The following MAP2K6 variants were observed in gnomAD, a reference collection of about 807,000 sequenced individuals.
MAP2K6 encodes mitogen-activated protein kinase kinase 6, also known as dual specificity mitogen-activated protein kinase kinase 6.
Under a neutral mutation model 53.7 loss-of-function variants are expected in MAP2K6, and 16 were observed. The observed-to-expected ratio is 0.30, with a 90% CI of 0.20 to 0.45. The LOEUF (loss-of-function observed/expected upper bound fraction) is 0.45, where lower values mean the gene tolerates loss of function less well. Ranked by LOEUF, MAP2K6 falls within the 20% of genes least tolerant of loss-of-function variation. The pLI, the probability that MAP2K6 is intolerant of heterozygous loss-of-function variation, is 1.00. For synonymous variants in MAP2K6, 132 were observed against 143.1 expected (o/e 0.92, Z 0.55); for missense variants, 204 against 411.9 (o/e 0.50, Z 4.37).
intron 1 of MAP2K6, among the ~76,000 whole-genome samples, chr17:69,424,852 A>G (rs1253162126): frequency 1.3e-5 from 2 of 152,190 alleles, no homozygotes; most frequent in Non-Finnish European, 2.9e-5. Context: ...TTGAGTTCCA[A>G]ATAGAAACTG....
intron 10 of MAP2K6, among the ~76,000 whole-genome samples, chr17:69,529,467 T>C (rs1428417880): frequency 2.0e-5 from 3 of 152,078 alleles, no homozygotes; most frequent in Admixed American, 6.6e-5. Flanking sequence ...TTTAGAGATA[T>C]TTTAAAATGA....
intron 1 of MAP2K6, among the ~76,000 whole-genome samples, chr17:69,455,096 T>C (rs1214851164): frequency 6.6e-6 from 1 of 151,834 alleles, no homozygotes; most frequent in Non-Finnish European, 1.5e-5. Context: ...ATTTTCCAGC[T>C]AGGAGCAAAC....
At chr17:69,502,401 C>G in intron 1 of MAP2K6, 2 of 985,440 alleles carry the variant, frequency 2.0e-6, no homozygotes, top group Non-Finnish European at 1.2e-6. Flanking sequence ...CTGTGCTGCT[C>G]TGTCAGAGAT....
rs1041628364 is a variant in MAP2K6, at chr17:69,545,255, A to G, written c.*3502A>G. The G allele has an allele frequency of 6.6e-6, 1 of 152,156 alleles. No homozygotes were observed. The highest frequency in any genetic ancestry group is 2.4e-5 in the African/African-American group (1 of 41,412). The allele number at this position is 152,156 out of a possible 1,614,324, so 9.4% of individuals were successfully genotyped here. On this transcript the variant is annotated 3_prime_UTR_variant, in exon 12 of 12. Coordinates refer to ENST00000590474, the MANE Select transcript of MAP2K6 (RefSeq NM_002758.4). ...CCAAAATGACTACTTTGAAGGAGAT[A>G]GAACCCCCATAAAGGTATATGTTTG...
intron 1 of MAP2K6, among the ~76,000 whole-genome samples, chr17:69,437,462 C>T (rs956778745): frequency 1.3e-5 from 2 of 151,936 alleles, no homozygotes; most frequent in Non-Finnish European, 2.9e-5. Context: ...GAGAGGCAGA[C>T]ACATTTGGTG....
chr17:69,433,796 G>T (rs1218498916), intron 1 of MAP2K6: 1 of 152,218 alleles, frequency 6.6e-6, no homozygotes, highest in Non-Finnish European at 1.5e-5. Context: ...GCTTTGGTCT[G>T]TGGGGCAAGT....
chr17:69,526,475 T>C (rs1910776134), intron 9 of MAP2K6, 95 bp from the exon 10 acceptor site: 5 of 1,368,920 alleles, frequency 3.7e-6, no homozygotes, highest in Non-Finnish European at 1.0e-6. Flanking sequence ...AACTTTGCCT[T>C]GTGTTTCCTG....
chr17:69,510,574 A>C (rs1909759114), intron 2 of MAP2K6, among the ~76,000 whole-genome samples: 1 of 151,898 alleles, frequency 6.6e-6, no homozygotes, highest in South Asian at 2.1e-4. Flanking sequence ...CCAATGAAAG[A>C]AAATGAGCCT....
At position 69,534,340 on chromosome 17, in the gene MAP2K6, G is replaced by T. The variant is rs573455660; in HGVS notation, c.882-1775G>T. Among the ~76,000 whole-genome samples, 16 of 152,118 alleles carry T rather than the reference G, an allele frequency of 1.1e-4. No individual in the cohort carries two copies. In the East Asian group the frequency reaches 2.9e-3, roughly 28 times the overall value. ...GCCTGTTAATTCCTCTTTCTAATGC[G>T]CTCTTATTTTTATCCTCAGTTGAGA... On this transcript the variant is annotated intron_variant, in intron 10 of 11. Coordinates refer to ENST00000590474, the MANE Select transcript of MAP2K6 (RefSeq NM_002758.4).
intron 1 of MAP2K6, among the ~76,000 whole-genome samples, chr17:69,420,146 A>T (rs1398093830): frequency 6.6e-6 from 1 of 152,210 alleles, no homozygotes; most frequent in African/African-American, 2.4e-5. Context: ...CCAGACCTAT[A>T]TGAAAATAAT....
In MAP2K6 at chr17:69,414,870, CA is replaced by C; in HGVS notation, c.-114del. On this transcript the variant is annotated 5_prime_UTR_variant, in exon 1 of 12. Coordinates refer to ENST00000590474, the MANE Select transcript of MAP2K6 (RefSeq NM_002758.4). ...CTGCTGCATCGGTCAAGAGAAACTC[CA>C]CTTGCATGAAGATTGCACGCCTGCA... The C allele has an allele frequency of 1.1e-6, 1 of 901,914 alleles. No individual in the cohort carries two copies. 55.9% of individuals were successfully genotyped at this position (901,914 alleles called of 1,614,324 possible).
In MAP2K6 at chr17:69,465,901, G is replaced by A. The variant is rs946540280; in HGVS notation, c.17-39879G>A. ...CCCAAAGTGCTGGGATTACAGGCAT[G>A]AGCCACTGCACCCAGCCCTGGTGAT... is the stretch of plus-strand genomic sequence containing the variant. On this transcript the variant is annotated intron_variant, in intron 1 of 11. Transcript: ENST00000590474. Among the ~76,000 whole-genome samples the A allele has an allele frequency of 2.6e-5, 4 of 151,240 alleles. No homozygotes were observed. In the South Asian group the frequency reaches 8.4e-4, roughly 32 times the overall value.
At chr17:69,456,694 C>T (rs1907420413) in intron 1 of MAP2K6, among the ~76,000 whole-genome samples, 1 of 152,114 alleles carries the variant, frequency 6.6e-6, no homozygotes, top group Non-Finnish European at 1.5e-5. Context: ...GTTATTTCTA[C>T]CCAGAGATGT....
At chr17:69,518,887 T>A (rs1297250999) in intron 4 of MAP2K6, among the ~76,000 whole-genome samples, 2 of 152,196 alleles carry the variant, frequency 1.3e-5, no homozygotes, top group Non-Finnish European at 2.9e-5. Flanking sequence ...CTGTACCAAT[T>A]CTCTTACAGT....
chr17:69,484,848 T>C (rs1908470244), intron 1 of MAP2K6, among the ~76,000 whole-genome samples: 1 of 152,122 alleles, frequency 6.6e-6, no homozygotes, highest in Admixed American at 6.6e-5. Flanking sequence ...TATAATTTCA[T>C]TATATGAAAT....
chr17:69,458,701 T>C (rs1907510872), intron 1 of MAP2K6, among the ~76,000 whole-genome samples: 1 of 152,230 alleles, frequency 6.6e-6, no homozygotes, highest in Non-Finnish European at 1.5e-5. Flanking sequence ...TCTTACCTTG[T>C]GCAGTGTCTC....
intron 1 of MAP2K6, among the ~76,000 whole-genome samples, chr17:69,450,752 T>C (rs1907194194): frequency 6.6e-6 from 1 of 152,102 alleles, no homozygotes; most frequent in African/African-American, 2.4e-5. Context: ...GAGTATACTT[T>C]TTGCCAGTTA....
intron 1 of MAP2K6, among the ~76,000 whole-genome samples, chr17:69,484,569 T>A: frequency 6.6e-6 from 1 of 152,106 alleles, no homozygotes; most frequent in East Asian, 1.9e-4. Context: ...GCAATTTCAC[T>A]CATAGGTATA....
intron 1 of MAP2K6, among the ~76,000 whole-genome samples, chr17:69,469,869 G>C (rs910896576): frequency 2.0e-5 from 3 of 152,112 alleles, no homozygotes; most frequent in Non-Finnish European, 4.4e-5. Flanking sequence ...CCACATCATG[G>C]TCGGTGGAGC....
Sources: gnomAD v4.1 joint callset for allele counts (sites outside exome capture counted in the v4.1 genomes callset) on GRCh38, gnomAD v4.1.1 for gene constraint, MANE v1.5 for transcripts, NCBI Gene and HGNC (gene_info 2026-07-23, HGNC 2026-07-21) for gene names.